The following CNTN4 variants were observed in gnomAD, a reference collection of about 807,000 sequenced individuals.
CNTN4 encodes the protein contactin 4, also known as contactin-4.
CNTN4 carries 77 observed loss-of-function variants against 122.5 expected under a neutral mutation model. That is an observed-to-expected ratio of 0.63 (90% CI 0.52 to 0.76). The LOEUF (loss-of-function observed/expected upper bound fraction) is 0.76, where lower values mean the gene tolerates loss of function less well. CNTN4 is among the 30% of genes least tolerant of loss of function. CNTN4 has a pLI of 0.00. For synonymous variants in CNTN4, 512 were observed against 447.0 expected (o/e 1.15, Z -1.83); for missense variants, 1,256 against 1,259.1 (o/e 1.00, Z 0.04).
At chr3:2,691,833 G>A (rs2085756267) in intron 4 of CNTN4, among the ~76,000 whole-genome samples, 1 of 152,158 alleles carries the variant, frequency 6.6e-6, no homozygotes, top group Non-Finnish European at 1.5e-5. Flanking sequence ...TTCTCCTGCT[G>A]TTTATAATTG....
chr3:2,344,272 G>A (rs1253722165), intron 3 of CNTN4, among the ~76,000 whole-genome samples: 1 of 144,282 alleles, frequency 6.9e-6, no homozygotes, highest in Non-Finnish European at 1.5e-5. Context: ...CCAAAGGCCA[G>A]GTCAAATTTT....
chr3:2,151,527 C>T (rs2035494172), intron 2 of CNTN4, among the ~76,000 whole-genome samples: 1 of 152,006 alleles, frequency 6.6e-6, no homozygotes, highest in African/African-American at 2.4e-5. Context: ...GCTTGGGATA[C>T]GTCAGCCAAC....
chr3:2,445,411 G>C (rs1262301925), intron 3 of CNTN4, among the ~76,000 whole-genome samples: 1 of 152,068 alleles, frequency 6.6e-6, no homozygotes, highest in Non-Finnish European at 1.5e-5. Flanking sequence ...GATAAATCTC[G>C]AAGATAGAGG....
chr3:2,721,009 G>C (rs934517104), intron 4 of CNTN4, among the ~76,000 whole-genome samples: 1 of 152,028 alleles, frequency 6.6e-6, no homozygotes, highest in Non-Finnish European at 1.5e-5. Context: ...GTCTTGCTCT[G>C]TTGACCAGGC....
intron 4 of CNTN4, among the ~76,000 whole-genome samples, chr3:2,627,758 G>A (rs879457342): frequency 8.5e-5 from 13 of 152,142 alleles, no homozygotes; most frequent in Non-Finnish European, 1.5e-4. Flanking sequence ...CTCCCAAAGT[G>A]CTGGGATTAC....
chr3:2,379,585 A>G (rs1354293559), intron 3 of CNTN4, among the ~76,000 whole-genome samples: 1 of 152,198 alleles, frequency 6.6e-6, no homozygotes, highest in Admixed American at 6.5e-5. Context: ...ATGAGTATTT[A>G]TAAAATATGT....
chr3:2,925,562 A>G, intron 12 of CNTN4, 67 bp from the exon 13 acceptor site: 1 of 1,525,484 alleles, frequency 6.6e-7, no homozygotes, highest in Non-Finnish European at 9.0e-7. Context: ...AAAGAAAGAA[A>G]AAGACTAAGG....
At chr3:2,961,636 C>A (rs1345401093) in intron 13 of CNTN4, among the ~76,000 whole-genome samples, 1 of 152,170 alleles carries the variant, frequency 6.6e-6, no homozygotes, top group Admixed American at 6.5e-5. Flanking sequence ...CTGAACCAGA[C>A]CACCTTGTTA....
chr3:2,469,662 GT>G (rs2075617311), intron 3 of CNTN4, among the ~76,000 whole-genome samples: 2 of 152,096 alleles, frequency 1.3e-5, no homozygotes, highest in Non-Finnish European at 2.9e-5. Flanking sequence ...TTTGCAACCA[GT>G]TTTTCACCTA....
chr3:2,815,479 A>G (rs2092704996), intron 6 of CNTN4, among the ~76,000 whole-genome samples: 1 of 152,194 alleles, frequency 6.6e-6, no homozygotes, highest in South Asian at 2.1e-4. Flanking sequence ...TAGCCAAAAA[A>G]CATAGGAAAA....
At chr3:2,546,342 A>C (rs2149330175) in intron 3 of CNTN4, among the ~76,000 whole-genome samples, 1 of 151,856 alleles carries the variant, frequency 6.6e-6, no homozygotes, top group Admixed American at 6.6e-5. Context: ...AAAAAAGAAC[A>C]AGATAATGTC....
At chr3:2,839,552 AACTT>A (rs1286960462) in intron 7 of CNTN4, among the ~76,000 whole-genome samples, 3 of 152,192 alleles carry the variant, frequency 2.0e-5, no homozygotes, top group Admixed American at 6.5e-5. Flanking sequence ...CTGTAGAAAT[AACTT>A]ACTTACCCCA....
At chr3:2,556,471 C>G (rs1420970320) in intron 3 of CNTN4, among the ~76,000 whole-genome samples, 3 of 152,126 alleles carry the variant, frequency 2.0e-5, no homozygotes, top group Admixed American at 6.5e-5. Context: ...ACACCTTATC[C>G]AGTCTGACAC....
chr3:2,765,662 G>T (rs2090826277), intron 6 of CNTN4, among the ~76,000 whole-genome samples: 2 of 152,030 alleles, frequency 1.3e-5, no homozygotes, highest in South Asian at 4.1e-4. Context: ...CCTGTGAATA[G>T]CTGCACATAT....
intron 4 of CNTN4, among the ~76,000 whole-genome samples, chr3:2,694,115 G>A (rs2085889954): frequency 6.6e-6 from 1 of 151,958 alleles, no homozygotes; most frequent in South Asian, 2.1e-4. Flanking sequence ...CCTGTTTCTG[G>A]AATCCTCTCT....
At chr3:2,288,799 G>C (rs2042033168) in intron 2 of CNTN4, among the ~76,000 whole-genome samples, 1 of 152,134 alleles carries the variant, frequency 6.6e-6, no homozygotes, top group Non-Finnish European at 1.5e-5. Context: ...TTGTTGGTAG[G>C]AAAATGTTGG....
chr3:2,606,782 A>G (rs1225528853), intron 4 of CNTN4, among the ~76,000 whole-genome samples: 1 of 152,202 alleles, frequency 6.6e-6, no homozygotes, highest in African/African-American at 2.4e-5. Context: ...CTTTAAAAGC[A>G]CATGGTCCAT....
At chr3:2,265,728 T>C (rs2041016576) in intron 2 of CNTN4, among the ~76,000 whole-genome samples, 1 of 151,272 alleles carries the variant, frequency 6.6e-6, no homozygotes, top group Non-Finnish European at 1.5e-5. Flanking sequence ...TTTAATGTTC[T>C]TTTCCATTTC....
chr3:2,414,227 T>C (rs1227693465), intron 3 of CNTN4, among the ~76,000 whole-genome samples: 2 of 152,242 alleles, frequency 1.3e-5, no homozygotes, highest in East Asian at 3.8e-4. Flanking sequence ...GAATTATTTA[T>C]GTAAGTGTTT....
Sources: gnomAD v4.1 joint callset for allele counts (sites outside exome capture counted in the v4.1 genomes callset) on GRCh38, gnomAD v4.1.1 for gene constraint, MANE v1.5 for transcripts, NCBI Gene and HGNC (gene_info 2026-07-23, HGNC 2026-07-21) for gene names.